Variants in PRPF6 observed in about 807,000 individuals in gnomAD.
PRPF6 encodes the protein pre-mRNA-processing factor 6.
A neutral mutation model predicts 118.3 loss-of-function variants in PRPF6; 42 were observed. The observed-to-expected ratio is 0.35, with a 90% CI of 0.28 to 0.46. The LOEUF is 0.46. Ranked by LOEUF, PRPF6 falls within the 20% of genes least tolerant of loss-of-function variation. The pLI, the probability that PRPF6 is intolerant of heterozygous loss-of-function variation, is 1.00. For synonymous variants in PRPF6, 481 were observed against 485.1 expected (o/e 0.99, Z 0.11); for missense variants, 662 against 1,255.7 (o/e 0.53, Z 7.15).
rs554512060 is a variant in PRPF6 at position 63,991,841 on chromosome 20, C to T, written c.360-1566C>T. 5.9e-5 allele frequency among the ~76,000 whole-genome samples: 9 copies of T among 152,078 alleles called. No individual in the cohort carries two copies. The South Asian group carries it at 1.9e-3, about 32-fold the overall frequency. ...TAAAACTTTTTATTCTGAAAACTGTCGTAATACAAACAAGTAGGAAGAACA... is the reference window on the plus strand; with the variant it reads ...TAAAACTTTTTATTCTGAAAACTGTTGTAATACAAACAAGTAGGAAGAACA... On this transcript the variant is annotated intron_variant, in intron 3 of 20. Transcript: ENST00000266079.
At chr20:64,004,200 G>C (rs1396803389) in intron 9 of PRPF6, among the ~76,000 whole-genome samples, 2 of 152,164 alleles carry the variant, frequency 1.3e-5, no homozygotes, top group Non-Finnish European at 2.9e-5. Flanking sequence ...GGGGGCCTTC[G>C]GGGAGTGTTG....
At position 63,983,218 on chromosome 20, in the gene PRPF6, G is replaced by T. The variant is rs764996988; in HGVS notation, c.240+3G>T. On this transcript the variant is annotated splice_donor_region_variant and intron_variant, in intron 2 of 20. Coordinates refer to ENST00000266079, the MANE Select transcript of PRPF6 (RefSeq NM_012469.4). ...TAAATGACACCAATTACGATGAGGT[G>T]AGATGTGTCCGGCTTTCGTGGCTCC... 6.2e-7 allele frequency: 1 copy of T among 1,614,228 alleles called. No homozygotes were observed. Among genetic ancestry groups the T allele is most frequent in the South Asian group, 1.1e-5 (1 of 91,084 alleles).
chr20:64,032,191 T>C, intron 20 of PRPF6, 147 bp downstream of exon 20: 1 of 1,268,572 alleles, frequency 7.9e-7, no homozygotes. Context: ...GGGCACAGAA[T>C]CCTCGACACC....
At chr20:64,015,710 T>C (rs1305489365) in intron 11 of PRPF6, among the ~76,000 whole-genome samples, 1 of 152,240 alleles carries the variant, frequency 6.6e-6, no homozygotes, top group Non-Finnish European at 1.5e-5. Flanking sequence ...CATAGAGATA[T>C]GTGCTTCTTT....
intron 6 of PRPF6, 97 bp downstream of exon 6, chr20:63,995,579 C>T (rs1419469423): frequency 3.1e-6 from 4 of 1,309,690 alleles, no homozygotes; most frequent in African/African-American, 2.9e-5. Flanking sequence ...CCTTTTTCTT[C>T]TCCTCCTTCT....
chr20:64,029,749 C>T lies in PRPF6; in HGVS notation c.2546+258C>T, dbSNP rs777403687. On this transcript the variant is annotated intron_variant, in intron 19 of 20. Transcript: ENST00000266079. This position sits in a 1 kb window ranked among gnomAD's most constrained non-coding sequence, Gnocchi z 4.8. ...TGCGCTGGCCGCCGGGTCACAGACT[C>T]ACTGGGGACGCGTGTGATTCACACT... Among the ~76,000 whole-genome samples the T allele has an allele frequency of 1.1e-4, 12 of 113,042 alleles. No homozygotes were observed. The highest frequency in any genetic ancestry group is 2.0e-4 in the Non-Finnish European group (10 of 49,558). 74.2% of individuals were successfully genotyped at this position (113,042 alleles called of 152,430 possible).
At position 64,031,773 on chromosome 20, in the gene PRPF6, C is replaced by T. The variant is rs546970621; in HGVS notation, c.2547-145C>T. 1.6e-4 allele frequency: 173 copies of T among 1,062,302 alleles called. 1 individual carries two copies. The African/African-American group carries it at 2.1e-3, about 13-fold the overall frequency. The allele number at this position is 1,062,302 out of a possible 1,614,324, so 65.8% of individuals were successfully genotyped here. On this transcript the variant is annotated intron_variant, in intron 19 of 20. Transcript: ENST00000266079. ...CTGGGGTAATTATTTCTGGATCAGC[C>T]GAGGCCCTGATCCTCAGGCCTTCTT...
chr20:63,984,490 CA>C (rs1233417242), intron 2 of PRPF6, among the ~76,000 whole-genome samples: 2 of 151,810 alleles, frequency 1.3e-5, no homozygotes, highest in Non-Finnish European at 1.5e-5. Flanking sequence ...AGTGCCCCCC[CA>C]AAAAAAAGTT....
intron 9 of PRPF6, among the ~76,000 whole-genome samples, chr20:64,004,206 T>A (rs1241778491): frequency 6.6e-6 from 1 of 151,444 alleles, no homozygotes; most frequent in Non-Finnish European, 1.5e-5. Flanking sequence ...CTTCGGGGAG[T>A]GTTGAGGGAC....
At position 64,026,150 on chromosome 20, in the gene PRPF6, T is replaced by C. The variant is rs2059289427; in HGVS notation, c.2028+92T>C. On this transcript the variant is annotated intron_variant, in intron 15 of 20. Transcript: ENST00000266079. The surrounding 1 kb of genome is among the most constrained non-coding windows in gnomAD (Gnocchi z 4.4). Reference sequence around the variant, plus strand: ...GGCTTGGGTGGTGATGGGAGTGAGATGACGGCAGGCAAACGAGACCACAGC... The same window carrying C: ...GGCTTGGGTGGTGATGGGAGTGAGACGACGGCAGGCAAACGAGACCACAGC... 2 of 1,575,140 alleles carry C rather than the reference T, an allele frequency of 1.3e-6. No individual in the cohort carries two copies. The highest frequency in any genetic ancestry group is 1.7e-6 in the Non-Finnish European group (2 of 1,166,488).
In PRPF6 at chr20:63,981,318, T is replaced by TGAGGCCTGGGGC. The variant is rs751356597; in HGVS notation, c.71+4_71+15dup. On this transcript the variant is annotated splice_region_variant and intron_variant, in intron 1 of 20. Transcript: ENST00000266079. ...CTACGTGCCGGGGCTGGGCCGGGGGTGAGGCCTGGGGCGGCGCGCGAGGGG... is the reference window on the plus strand; with the variant it reads ...CTACGTGCCGGGGCTGGGCCGGGGGTGAGGCCTGGGGCGAGGCCTGGGGCGGCGCGCGAGGGG... 6.3e-7 allele frequency: 1 copy of TGAGGCCTGGGGC among 1,589,382 alleles called. No individual in the cohort carries two copies. The highest frequency in any genetic ancestry group is 8.6e-7 in the Non-Finnish European group (1 of 1,168,304).
rs1032061255 is a variant in PRPF6 at position 63,999,738 on chromosome 20, G to A, written c.1002G>A (p.Lys334=). The change falls in exon 8 of 21, where the codon AAG becomes AAA. Residue 334 remains lysine (K), a synonymous_variant. Coordinates refer to ENST00000266079, the MANE Select transcript of PRPF6 (RefSeq NM_012469.4). ...KLQVARNLIM[K]GTEMCPKSED... ...AAGTAGCTCGGAACCTTATCATGAA[G>A]GGGACGGAGATGTGCCCCAAGGTGA... 2.5e-6 allele frequency: 4 copies of A among 1,614,058 alleles called. No individual in the cohort carries two copies. The African/African-American group carries it at 5.3e-5, about 22-fold the overall frequency.
rs2059305927 is a variant in PRPF6 at position 64,029,590 on chromosome 20, G to A, written c.2546+99G>A. 5 of 1,089,312 alleles carry A rather than the reference G, an allele frequency of 4.6e-6. No homozygotes were observed. The highest frequency in any genetic ancestry group is 1.6e-5 in the African/African-American group (1 of 64,442). The allele number at this position is 1,089,312 out of a possible 1,614,324, so 67.5% of individuals were successfully genotyped here. On this transcript the variant is annotated intron_variant, in intron 19 of 20. Transcript: ENST00000266079. The surrounding 1 kb of genome is among the most constrained non-coding windows in gnomAD (Gnocchi z 4.8). ...TTCCTGGTCATTGTAAAGATGCCCGGCAGCAGGGTGGGCTTCCCCGATCCT... is the reference window on the plus strand; with the variant it reads ...TTCCTGGTCATTGTAAAGATGCCCGACAGCAGGGTGGGCTTCCCCGATCCT...
chr20:63,981,161 G>C lies in PRPF6; in HGVS notation c.-85G>C, dbSNP rs545303250. ...GCGACACTTTGCTACGGAGTGCATC[G>C]GACGTCGAAGCCTAGAGTCTCTGCG... On this transcript the variant is annotated 5_prime_UTR_variant, in exon 1 of 21. Coordinates refer to ENST00000266079, the MANE Select transcript of PRPF6 (RefSeq NM_012469.4). 1.4e-6 allele frequency: 2 copies of C among 1,403,246 alleles called. No individual in the cohort carries two copies. Among genetic ancestry groups the C allele is most frequent in the Admixed American group, 3.9e-5 (2 of 50,880 alleles). The allele number at this position is 1,403,246 out of a possible 1,614,324, so 86.9% of individuals were successfully genotyped here. A position where few individuals can be genotyped will look rare whatever the true frequency, so the allele number is the denominator to read the frequency against.
chr20:64,024,621 C>T lies in PRPF6; in HGVS notation c.1836C>T (p.Leu612=), dbSNP rs759142397. 2 of 1,613,740 alleles carry T rather than the reference C, an allele frequency of 1.2e-6. No individual in the cohort carries two copies. Among genetic ancestry groups the T allele is most frequent in the Non-Finnish European group, 1.7e-6 (2 of 1,180,040 alleles). ...GCCCCAAAGCAGAGGTGCTGTGGCTCATGGGCGCCAAGTCCAAGTGGCTGG... is the reference window on the plus strand; with the variant it reads ...GCCCCAAAGCAGAGGTGCTGTGGCTTATGGGCGCCAAGTCCAAGTGGCTGG... ...AHCPKAEVLW[L]MGAKSKWLAG... The change falls in exon 14 of 21, where the codon CTC becomes CTT. Residue 612 remains leucine, a synonymous_variant. Transcript: ENST00000266079.
chr20:64,008,419 GT>G (rs953992142), intron 9 of PRPF6, among the ~76,000 whole-genome samples: 12 of 148,772 alleles, frequency 8.1e-5, no homozygotes, highest in South Asian at 2.1e-4. Flanking sequence ...TAAGCTTTGT[GT>G]TTTTTTTTTC....
In PRPF6 at chr20:63,983,230, G is replaced by A; in HGVS notation, c.240+15G>A. 1 of 1,614,114 alleles carries A rather than the reference G, an allele frequency of 6.2e-7. No individual in the cohort carries two copies. Among genetic ancestry groups the A allele is most frequent in the Non-Finnish European group, 8.5e-7 (1 of 1,180,028 alleles). On this transcript the variant is annotated intron_variant, in intron 2 of 20. Transcript: ENST00000266079. ...ATTACGATGAGGTGAGATGTGTCCG[G>A]CTTTCGTGGCTCCTCCAGCCAGTCT...
At chr20:64,019,895 T>G (rs576747215) in intron 12 of PRPF6, among the ~76,000 whole-genome samples, 124 of 152,350 alleles carry the variant, frequency 8.1e-4, no homozygotes, top group African/African-American at 2.9e-3. Context: ...ATTTTCATGC[T>G]GGGGCTCCTT....
intron 9 of PRPF6, among the ~76,000 whole-genome samples, chr20:64,005,278 G>T (rs1024729886): frequency 2.6e-5 from 4 of 152,180 alleles, no homozygotes; most frequent in African/African-American, 7.2e-5. Context: ...ACAGAGTCCT[G>T]GGAGTCGTAA....
Sources: gnomAD v4.1 joint callset for allele counts (sites outside exome capture counted in the v4.1 genomes callset) on GRCh38, gnomAD v4.1.1 for gene constraint, Gnocchi (gnomAD v3.1) non-coding constraint, MANE v1.5 for transcripts, NCBI Gene and HGNC (gene_info 2026-07-23, HGNC 2026-07-21) for gene names.